The following KCNN2 variants were observed in gnomAD, a reference collection of about 807,000 sequenced individuals.
The protein encoded by KCNN2 is small conductance calcium-activated potassium channel protein 2.
A neutral mutation model predicts 55.5 loss-of-function variants in KCNN2; 24 were observed. The observed-to-expected ratio is 0.43, with a 90% CI of 0.31 to 0.61. The LOEUF is 0.61. KCNN2 is among the 20% of genes least tolerant of loss of function. The pLI is 0.08. For synonymous variants in KCNN2, 431 were observed against 336.1 expected (o/e 1.28, Z -3.09); for missense variants, 754 against 853.6 (o/e 0.88, Z 1.45).
Position 114,193,624 on chromosome 5 carries a change from T to C in KCNN2, c.-270-27856T>C, listed in dbSNP as rs1580607089. Among the ~76,000 whole-genome samples the C allele has an allele frequency of 3.3e-5, 5 of 152,316 alleles. No individual in the cohort carries two copies. In the South Asian group the frequency reaches 8.3e-4, roughly 25 times the overall value. Reference sequence around the variant, plus strand: ...CCAAGGAAGTTTCTTCAGAAATTTGTGTCATTGATTTTTGTTTTTGTCTAC... The same window carrying C: ...CCAAGGAAGTTTCTTCAGAAATTTGCGTCATTGATTTTTGTTTTTGTCTAC... On this transcript the variant is annotated intron_variant, in intron 1 of 10. Coordinates refer to the KCNN2 transcript ENST00000512097.
chr5:114,378,681 G>A (rs1041674252), intron 2 of KCNN2, among the ~76,000 whole-genome samples: 23 of 151,976 alleles, frequency 1.5e-4, no homozygotes, highest in African/African-American at 5.3e-4. Context: ...TTTTGGGAGG[G>A]GCAGTATGGG....
chr5:114,334,262 G>A (rs1028478196), intron 2 of KCNN2, among the ~76,000 whole-genome samples: 2 of 3,766 alleles, frequency 5.3e-4, no homozygotes, highest in African/African-American at 8.0e-4. Context: ...TATGCCTGAT[G>A]TGTGTGTGTG....
chr5:114,309,672 A>G (rs1756359164), intron 2 of KCNN2, among the ~76,000 whole-genome samples: 1 of 152,220 alleles, frequency 6.6e-6, no homozygotes, highest in Non-Finnish European at 1.5e-5. Flanking sequence ...CTAGGTGCTA[A>G]CAGGGATATG....
At chr5:114,495,741 A>G (rs1026797044) in intron 7 of KCNN2, among the ~76,000 whole-genome samples, 154 bp from the exon 8 acceptor site, 1 of 152,188 alleles carries the variant, frequency 6.6e-6, no homozygotes, top group Non-Finnish European at 1.5e-5. Context: ...GAACACATAC[A>G]ATGAGTTGGC....
intron 1 of KCNN2, among the ~76,000 whole-genome samples, chr5:114,172,941 G>T (rs971212347): frequency 1.3e-5 from 2 of 151,798 alleles, no homozygotes; most frequent in Non-Finnish European, 2.9e-5. Context: ...AACTTGATAT[G>T]ATCCCGTTTG....
intron 2 of KCNN2, among the ~76,000 whole-genome samples, chr5:114,241,705 GATATAT>G (rs10624495): frequency 2.1e-5 from 1 of 48,776 alleles, no homozygotes; most frequent in African/African-American, 6.9e-5. Flanking sequence ...TATATATGTG[GATATAT>G]ATATATATAC....
chr5:114,427,781 T>C (rs996385469), intron 3 of KCNN2, among the ~76,000 whole-genome samples: 1 of 152,232 alleles, frequency 6.6e-6, no homozygotes, highest in African/African-American at 2.4e-5. Flanking sequence ...AAATGACCCA[T>C]AGACCTTTGG....
chr5:114,185,883 A>C (rs77828107), intron 1 of KCNN2, among the ~76,000 whole-genome samples: 4,754 of 152,218 alleles, frequency 0.031, 214 homozygotes, highest in African/African-American at 0.11. Flanking sequence ...GTTGAAAACT[A>C]TTGTTTTGGA....
intron 3 of KCNN2, among the ~76,000 whole-genome samples, chr5:114,422,649 T>TA (rs1284588157): frequency 4.0e-5 from 6 of 151,882 alleles, no homozygotes; most frequent in South Asian, 4.2e-4. Flanking sequence ...CAAAGCAAAA[T>TA]AAAAAAAACG....
chr5:114,106,520 A>C (rs1268329943), intron 1 of KCNN2, among the ~76,000 whole-genome samples: 1 of 151,834 alleles, frequency 6.6e-6, no homozygotes, highest in Non-Finnish European at 1.5e-5. Flanking sequence ...ATTCTCACTA[A>C]TACTTGGTAT....
intron 1 of KCNN2, among the ~76,000 whole-genome samples, chr5:114,088,693 C>T (rs1222942855): frequency 6.6e-6 from 1 of 152,152 alleles, no homozygotes; most frequent in Non-Finnish European, 1.5e-5. Context: ...AGTCTCAGCT[C>T]ACTGCAACCT....
At chr5:114,294,394 C>G (rs2150019434) in intron 2 of KCNN2, among the ~76,000 whole-genome samples, 1 of 152,124 alleles carries the variant, frequency 6.6e-6, no homozygotes, top group Admixed American at 6.5e-5. Flanking sequence ...TATGTTGTGT[C>G]TTTGTTCTCG....
In KCNN2 at chr5:114,243,885, C is replaced by T. The variant is rs190641947; in HGVS notation, c.-185+22320C>T. On this transcript the variant is annotated intron_variant, in intron 2 of 10. Coordinates refer to the KCNN2 transcript ENST00000512097. The stretch of plus-strand genomic sequence containing the variant: ...AAACAGGAGATGAGCAATCTTCCAT[C>T]CAGAGTCCTTTTTTGGTATGAAAAC... 1.1e-3 allele frequency among the ~76,000 whole-genome samples: 167 copies of T among 152,312 alleles called. 3 individuals are homozygous for T. The highest frequency in any genetic ancestry group is 0.01 in the Admixed American group (157 of 15,290).
intron 2 of KCNN2, among the ~76,000 whole-genome samples, chr5:114,318,949 T>C (rs1293080592): frequency 6.6e-6 from 1 of 151,862 alleles, no homozygotes; most frequent in Admixed American, 6.6e-5. Context: ...GAACTGTGGG[T>C]AAACTGAGGC....
Position 114,493,478 on chromosome 5 carries a change from C to T in KCNN2, c.2088+6C>T. ...CTTTGGTGGACTTGGCAAAGGTAAG[C>T]CTGAGGTGCTTAGCCCTCCTAGTTG... On this transcript the variant is annotated splice_donor_region_variant and intron_variant, in intron 7 of 7. Coordinates refer to ENST00000673685, the MANE Select transcript of KCNN2 (RefSeq NM_021614.4). 6.2e-7 allele frequency: 1 copy of T among 1,602,786 alleles called. No homozygotes were observed.
At chr5:114,434,383 T>C (rs1258238419) in intron 3 of KCNN2, among the ~76,000 whole-genome samples, 4 of 152,212 alleles carry the variant, frequency 2.6e-5, no homozygotes. Flanking sequence ...TCTTGCGTGC[T>C]GCCTCTTTTT....
intron 2 of KCNN2, among the ~76,000 whole-genome samples, chr5:114,387,646 A>G (rs1158633351): frequency 6.6e-6 from 1 of 152,174 alleles, no homozygotes; most frequent in Non-Finnish European, 1.5e-5. Flanking sequence ...CCGAAGAATC[A>G]TTCTGGTCAC....
intron 3 of KCNN2, among the ~76,000 whole-genome samples, chr5:114,442,134 C>A (rs1361685255): frequency 6.6e-6 from 1 of 151,876 alleles, no homozygotes; most frequent in Non-Finnish European, 1.5e-5. Context: ...ACAGGATAAA[C>A]AAAACAGTAC....
chr5:114,336,219 G>C (rs745332381), intron 2 of KCNN2, among the ~76,000 whole-genome samples: 1 of 152,106 alleles, frequency 6.6e-6, no homozygotes, highest in Non-Finnish European at 1.5e-5. Flanking sequence ...ACAAAAAGAA[G>C]AACATGTTGG....
Sources: gnomAD v4.1 joint callset for allele counts (sites outside exome capture counted in the v4.1 genomes callset) on GRCh38, gnomAD v4.1.1 for gene constraint, MANE v1.5 for transcripts, NCBI Gene and HGNC (gene_info 2026-07-23, HGNC 2026-07-21) for gene names.